ST8SIA6: variants seen among roughly 807,000 people sequenced by gnomAD.
The protein encoded by ST8SIA6 is ST8 alpha-N-acetyl-neuraminide alpha-2,8-sialyltransferase 6.
Under a neutral mutation model 33.6 loss-of-function variants are expected in ST8SIA6, and 39 were observed. That is an observed-to-expected ratio of 1.16 (90% CI 0.90 to 1.52). The LOEUF (loss-of-function observed/expected upper bound fraction) is 1.52, where lower values mean the gene tolerates loss of function less well. Ranked by LOEUF, ST8SIA6 falls within the 40% of genes most tolerant of loss-of-function variation. The pLI, the probability that ST8SIA6 is intolerant of heterozygous loss-of-function variation, is 0.00. For synonymous variants in ST8SIA6, 172 were observed against 167.2 expected, an observed-to-expected ratio of 1.03 and a Z score of -0.22; for missense variants, 441 against 443.8, an observed-to-expected ratio of 0.99 and a Z score of 0.06.
intron 2 of ST8SIA6, among the ~76,000 whole-genome samples, chr10:17,437,580 T>C (rs1852312801): frequency 1.3e-5 from 2 of 151,978 alleles, no homozygotes; most frequent in African/African-American, 4.8e-5. Flanking sequence ...TGGCTTGTGG[T>C]ACCCACATTC....
In ST8SIA6 at chr10:17,319,682, A is replaced by G. The variant is rs532180053; in HGVS notation, c.*1196T>C. On this transcript the variant is annotated 3_prime_UTR_variant, in exon 8 of 8. Transcript: ENST00000377602. ...TAAGATAGGATATTATATGGGAAAA[A>G]AAAGTAAGCTCTAAATGTCCTAACT... Among the ~76,000 whole-genome samples, 1 of 152,056 alleles carries G rather than the reference A, an allele frequency of 6.6e-6. No individual in the cohort carries two copies. The highest frequency in any genetic ancestry group is 2.1e-4 in the South Asian group (1 of 4,820).
At position 17,317,728 on chromosome 10, in the gene ST8SIA6, A is replaced by T. The variant is rs1247690699; in HGVS notation, c.*3150T>A. On this transcript the variant is annotated 3_prime_UTR_variant, in exon 8 of 8. Coordinates refer to ENST00000377602, the MANE Select transcript of ST8SIA6 (RefSeq NM_001004470.3). ...TGGTAAATTTTTTATAAGCAAGGAA[A>T]AATTTAGGCAAACACAGGTCTGATT... 6.6e-6 allele frequency among the ~76,000 whole-genome samples: 1 copy of T among 152,210 alleles called. No homozygotes were observed. Among genetic ancestry groups the T allele is most frequent in the Admixed American group, 6.5e-5 (1 of 15,278 alleles).
chr10:17,333,876 C>T (rs1195926900), intron 4 of ST8SIA6, among the ~76,000 whole-genome samples: 1 of 150,510 alleles, frequency 6.6e-6, no homozygotes, highest in Non-Finnish European at 1.5e-5. Flanking sequence ...CACCTGCTAC[C>T]ATGTCCGGCT....
intron 2 of ST8SIA6, among the ~76,000 whole-genome samples, chr10:17,420,416 A>G (rs1851743805): frequency 1.3e-5 from 2 of 152,192 alleles, no homozygotes; most frequent in African/African-American, 2.4e-5. Context: ...CGTCAAAAAA[A>G]TAAATAAATA....
At position 17,454,561 on chromosome 10, in the gene ST8SIA6, T is replaced by TGCTGCGGGCTCCGGTCGCC. The variant is rs1181396280; in HGVS notation, c.-325_-307dup. ...CTGTCCTCCCGGAGGCGCTCGGAGC[T>TGCTGCGGGCTCCGGTCGCC]GCTGCGGGCTCCGGTCGCCGCTGCC... On this transcript the variant is annotated 5_prime_UTR_variant, in exon 1 of 8. Coordinates refer to ENST00000377602, the MANE Select transcript of ST8SIA6 (RefSeq NM_001004470.3). This position sits in a 1 kb window ranked among gnomAD's most constrained non-coding sequence, Gnocchi z 4.1. 1.3e-5 allele frequency among the ~76,000 whole-genome samples: 2 copies of TGCTGCGGGCTCCGGTCGCC among 151,748 alleles called. No individual in the cohort carries two copies. The highest frequency in any genetic ancestry group is 2.9e-5 in the Non-Finnish European group (2 of 67,884).
chr10:17,365,539 A>G (rs1849532584), intron 3 of ST8SIA6, among the ~76,000 whole-genome samples: 1 of 152,136 alleles, frequency 6.6e-6, no homozygotes, highest in Non-Finnish European at 1.5e-5. Context: ...ATCCTGCTCC[A>G]TCCTGCCTGG....
At chr10:17,372,087 G>T (rs1010914572) in intron 3 of ST8SIA6, among the ~76,000 whole-genome samples, 8 of 152,098 alleles carry the variant, frequency 5.3e-5, no homozygotes, top group African/African-American at 1.9e-4. Flanking sequence ...AATATTTAAT[G>T]TACGACTAGA....
chr10:17,421,528 G>C (rs554353724), intron 2 of ST8SIA6, among the ~76,000 whole-genome samples: 2 of 152,218 alleles, frequency 1.3e-5, no homozygotes, highest in South Asian at 4.2e-4. Flanking sequence ...TGAGATCTTA[G>C]AATTAAAAGG....
At position 17,411,232 on chromosome 10, in the gene ST8SIA6, G is replaced by A. The variant is rs183828526; in HGVS notation, c.201-20612C>T. ...ATAGAATTTCACTCTTGTCGCCCAGGCTGGAGTGCAGTGCGATCTCGGCTC... is the reference window on the plus strand; with the variant it reads ...ATAGAATTTCACTCTTGTCGCCCAGACTGGAGTGCAGTGCGATCTCGGCTC... On this transcript the variant is annotated intron_variant, in intron 2 of 7. Transcript: ENST00000377602. Among the ~76,000 whole-genome samples, 614 of 152,096 alleles carry A rather than the reference G, an allele frequency of 4.0e-3. 6 individuals are homozygous for A. The highest frequency in any genetic ancestry group is 9.7e-3 in the Admixed American group (148 of 15,280).
intron 2 of ST8SIA6, among the ~76,000 whole-genome samples, chr10:17,434,468 C>A (rs1056930192): frequency 8.5e-5 from 13 of 152,172 alleles, no homozygotes; most frequent in Non-Finnish European, 1.8e-4. Flanking sequence ...CCATTAATAA[C>A]CTTTTGACTG....
chr10:17,358,395 T>TA (rs1849264871), intron 4 of ST8SIA6, among the ~76,000 whole-genome samples: 1 of 152,244 alleles, frequency 6.6e-6, no homozygotes, highest in Admixed American at 6.5e-5. Flanking sequence ...AGATATTTCT[T>TA]AGAGTATTTT....
chr10:17,442,142 C>A (rs963125266), intron 2 of ST8SIA6, among the ~76,000 whole-genome samples: 1 of 152,236 alleles, frequency 6.6e-6, no homozygotes, highest in African/African-American at 2.4e-5. Flanking sequence ...GCTGGGATTA[C>A]AGGCGTGGGC....
intron 2 of ST8SIA6, among the ~76,000 whole-genome samples, chr10:17,439,966 C>T (rs187611758): frequency 6.6e-6 from 1 of 152,298 alleles, no homozygotes; most frequent in Admixed American, 6.5e-5. Flanking sequence ...GATCTTCCAA[C>T]GAGGAAAGGA....
At chr10:17,373,055 C>T (rs542762637) in intron 3 of ST8SIA6, among the ~76,000 whole-genome samples, 106 of 152,124 alleles carry the variant, frequency 7.0e-4, no homozygotes, top group African/African-American at 2.4e-3. Flanking sequence ...CATAAATTCC[C>T]ACGGCTGCAA....
At chr10:17,401,137 C>G (rs1266842595) in intron 2 of ST8SIA6, among the ~76,000 whole-genome samples, 1 of 152,048 alleles carries the variant, frequency 6.6e-6, no homozygotes, top group Non-Finnish European at 1.5e-5. Context: ...ACACCAATAA[C>G]AGACAAACAG....
At chr10:17,327,396 C>T (rs1022527316) in intron 5 of ST8SIA6, among the ~76,000 whole-genome samples, 4 of 151,804 alleles carry the variant, frequency 2.6e-5, no homozygotes, top group African/African-American at 9.7e-5. Flanking sequence ...ACCAGCCTGG[C>T]CAAGATGGTG....
At chr10:17,377,832 G>A (rs546916973) in intron 3 of ST8SIA6, among the ~76,000 whole-genome samples, 90 of 152,218 alleles carry the variant, frequency 5.9e-4, no homozygotes, top group African/African-American at 2.1e-3. Flanking sequence ...CTAAGAAAAC[G>A]AAATTACTTT....
chr10:17,342,817 T>C (rs1049525165), intron 4 of ST8SIA6, among the ~76,000 whole-genome samples: 1 of 151,988 alleles, frequency 6.6e-6, no homozygotes, highest in Non-Finnish European at 1.5e-5. Context: ...GGCATAGTGG[T>C]GGGTGCCTGT....
At chr10:17,323,662 G>A (rs561342788) in intron 6 of ST8SIA6, among the ~76,000 whole-genome samples, 2 of 152,158 alleles carry the variant, frequency 1.3e-5, no homozygotes, top group South Asian at 2.1e-4. Context: ...TGGGATTACA[G>A]GTGTGAGCCA....
Sources: gnomAD v4.1 joint callset for allele counts (sites outside exome capture counted in the v4.1 genomes callset) on GRCh38, gnomAD v4.1.1 for gene constraint, Gnocchi (gnomAD v3.1) non-coding constraint, MANE v1.5 for transcripts, NCBI Gene and HGNC (gene_info 2026-07-23, HGNC 2026-07-21) for gene names.